The following CFAP77 variants were observed in gnomAD, a reference collection of about 807,000 sequenced individuals.
CFAP77 encodes the protein cilia and flagella associated protein 77.
In CFAP77, 25 loss-of-function variants were observed where a neutral mutation model predicts 31.1. That is an observed-to-expected ratio of 0.80 (90% CI 0.59 to 1.12). The LOEUF (loss-of-function observed/expected upper bound fraction) is 1.12. Ranked by LOEUF, CFAP77 falls within the 50% of genes most tolerant of loss-of-function variation. The pLI is 0.00. For missense variants in CFAP77, 377 were observed against 397.3 expected, an observed-to-expected ratio of 0.95 and a Z score of 0.44; for synonymous variants, 151 against 159.9, an observed-to-expected ratio of 0.94 and a Z score of 0.42.
At chr9:132,438,360 A>C (rs1850547102) in intron 1 of CFAP77, among the ~76,000 whole-genome samples, 1 of 151,030 alleles carries the variant, frequency 6.6e-6, no homozygotes, top group South Asian at 2.1e-4. Context: ...ATACTTAATG[A>C]TTGGCTCTGG....
At chr9:132,569,673 G>GC (rs1313601411) in intron 5 of CFAP77, among the ~76,000 whole-genome samples, 1 of 150,258 alleles carries the variant, frequency 6.7e-6, no homozygotes, top group African/African-American at 2.5e-5. Flanking sequence ...GTGGCTGCAT[G>GC]CCCCCGAGAC....
intron 3 of CFAP77, among the ~76,000 whole-genome samples, chr9:132,526,626 AAG>A (rs1852370405): frequency 6.8e-6 from 1 of 146,854 alleles, no homozygotes; most frequent in South Asian, 2.3e-4. Context: ...TAAAGAAAAA[AAG>A]AGAGAAGAAT....
At position 132,562,857 on chromosome 9, in the gene CFAP77, A is replaced by G. The variant is rs530740543; in HGVS notation, c.733-9531A>G. Among the ~76,000 whole-genome samples the G allele has an allele frequency of 1.8e-4, 28 of 151,546 alleles. No individual in the cohort carries two copies. The South Asian group carries it at 5.9e-3, about 32-fold the overall frequency. ...TGGGATTGCAGACACGCACCACCAC[A>G]CCCAGCTAATTTTTGTATTTTTAGT... On this transcript the variant is annotated intron_variant, in intron 5 of 5. Coordinates refer to ENST00000393216, the MANE Select transcript of CFAP77 (RefSeq NM_001282957.2).
At chr9:132,568,975 C>T (rs1829922242) in intron 5 of CFAP77, among the ~76,000 whole-genome samples, 1 of 152,188 alleles carries the variant, frequency 6.6e-6, no homozygotes. Context: ...GCTTGGATTA[C>T]AGGTGTGAGT....
chr9:132,505,355 T>A (rs1851915132), intron 3 of CFAP77, among the ~76,000 whole-genome samples: 1 of 152,260 alleles, frequency 6.6e-6, no homozygotes, highest in South Asian at 2.1e-4. Context: ...TCCTTCCCAG[T>A]TATCCTATTT....
Position 132,517,732 on chromosome 9 carries a change from G to A in CFAP77, c.524+18132G>A, listed in dbSNP as rs1004468925. On this transcript the variant is annotated intron_variant, in intron 3 of 5. Transcript: ENST00000393216. This position sits in a 1 kb window ranked among gnomAD's most constrained non-coding sequence, Gnocchi z 4.7. ...ACTCCTGGCAGAGCGGAGCCGCACC[G>A]GCAAATCAGAGCTGTCAGCCCTCAT... 4.5e-4 allele frequency among the ~76,000 whole-genome samples: 68 copies of A among 152,350 alleles called. 1 individual carries two copies. The highest frequency in any genetic ancestry group is 1.6e-3 in the African/African-American group (67 of 41,588).
At chr9:132,472,473 T>C (rs575477249) in intron 1 of CFAP77, among the ~76,000 whole-genome samples, 38 of 152,364 alleles carry the variant, frequency 2.5e-4, no homozygotes, top group African/African-American at 8.9e-4. Flanking sequence ...ACCACCATCG[T>C]TGGCCAGGTG....
chr9:132,446,331 G>A lies in CFAP77; in HGVS notation c.195+35865G>A, dbSNP rs1564206664. ...TCAGACCTGGATCTCTGAGTCGTCT[G>A]GTCATGCGTGGTCCTGGTTTCTGTT... On this transcript the variant is annotated intron_variant, in intron 1 of 5. Transcript: ENST00000393216. Among the ~76,000 whole-genome samples, 5 of 152,182 alleles carry A rather than the reference G, an allele frequency of 3.3e-5. No homozygotes were observed. The South Asian group carries it at 8.3e-4, about 25-fold the overall frequency.
At chr9:132,446,782 G>T (rs71503146) in intron 1 of CFAP77, among the ~76,000 whole-genome samples, 2,714 of 151,414 alleles carry the variant, frequency 0.018, 37 homozygotes, top group Middle Eastern at 0.031. Context: ...CATGTGGCTG[G>T]CTGACTGAGG....
intron 1 of CFAP77, among the ~76,000 whole-genome samples, chr9:132,429,537 C>CA (rs762588728): frequency 0.041 from 1,549 of 38,074 alleles, 11 homozygotes; most frequent in East Asian, 0.11. Context: ...GACTTCAACT[C>CA]AAAAAAAAAA....
intron 3 of CFAP77, among the ~76,000 whole-genome samples, chr9:132,505,202 A>C (rs540877705): frequency 5.3e-5 from 8 of 151,740 alleles, no homozygotes; most frequent in Non-Finnish European, 7.4e-5. Context: ...CAGCCCCCCA[A>C]CCCCCATCCA....
intron 1 of CFAP77, among the ~76,000 whole-genome samples, chr9:132,435,155 C>T (rs965493746): frequency 2.6e-5 from 4 of 152,040 alleles, no homozygotes; most frequent in Non-Finnish European, 5.9e-5. Flanking sequence ...CTAGGAACAG[C>T]GGGAGGGAAT....
rs1211355178 is a variant in CFAP77, at chr9:132,459,694, ATG to A, written c.196-38997_196-38996del. Reference sequence around the variant, plus strand: ...CATATTTATGTGTATATGTGTGCATATGTGTTTGTGTATGTGTGTTTACCTGT... The same window carrying A: ...CATATTTATGTGTATATGTGTGCATATGTTTGTGTATGTGTGTTTACCTGT... On this transcript the variant is annotated intron_variant, in intron 1 of 5. Transcript: ENST00000393216. Among the ~76,000 whole-genome samples the A allele has an allele frequency of 1.1e-4, 16 of 149,744 alleles. No homozygotes were observed. In the East Asian group the frequency reaches 1.6e-3, roughly 15 times the overall value.
chr9:132,482,305 C>A, intron 1 of CFAP77: 1 of 1,610,430 alleles, frequency 6.2e-7, no homozygotes, highest in Non-Finnish European at 8.5e-7. Context: ...GCATTTCTTT[C>A]GTAGGCTGCC....
In CFAP77 at chr9:132,459,752, GTA is replaced by G. The variant is rs369681174; in HGVS notation, c.196-38941_196-38940del. Among the ~76,000 whole-genome samples, 1,060 of 142,718 alleles carry G rather than the reference GTA, an allele frequency of 7.4e-3. 17 individuals carry two copies. The highest frequency in any genetic ancestry group is 0.03 in the African/African-American group (991 of 33,142). The allele number at this position is 142,718 out of a possible 152,430, so 93.6% of individuals were successfully genotyped here. ...TGTGTATATGTGTGTGAGTGTGTGT[GTA>G]TGTGTGTGTATGAGTGTGTGTGAGA... On this transcript the variant is annotated intron_variant, in intron 1 of 5. Coordinates refer to ENST00000393216, the MANE Select transcript of CFAP77 (RefSeq NM_001282957.2).
At chr9:132,473,079 G>A (rs1030494906) in intron 1 of CFAP77, among the ~76,000 whole-genome samples, 1 of 152,106 alleles carries the variant, frequency 6.6e-6, no homozygotes, top group Non-Finnish European at 1.5e-5. Context: ...GGTGTGCAGG[G>A]ACCCCTCTGT....
chr9:132,446,964 A>G (rs1850733838), intron 1 of CFAP77, among the ~76,000 whole-genome samples: 2 of 152,126 alleles, frequency 1.3e-5, no homozygotes, highest in Admixed American at 1.3e-4. Context: ...TATGTTGCCC[A>G]GGCTGGTCTC....
chr9:132,444,600 T>G (rs979224779), intron 1 of CFAP77, among the ~76,000 whole-genome samples: 15 of 152,070 alleles, frequency 9.9e-5, no homozygotes, highest in Non-Finnish European at 2.1e-4. Flanking sequence ...TCCGGCAGGG[T>G]GGCTGGGTCT....
intron 1 of CFAP77, among the ~76,000 whole-genome samples, chr9:132,417,352 A>C (rs1850122968): frequency 6.6e-6 from 1 of 152,150 alleles, no homozygotes; most frequent in Non-Finnish European, 1.5e-5. Context: ...TGACCTCGTG[A>C]TCCGCCCACC....
Sources: allele counts gnomAD v4.1 joint callset (sites outside exome capture counted in the v4.1 genomes callset), GRCh38; gene constraint gnomAD v4.1.1; non-coding constraint Gnocchi (gnomAD v3.1); transcripts MANE v1.5; gene names NCBI Gene and HGNC (gene_info 2026-07-23, HGNC 2026-07-21).